Variants in FADS6 observed in about 807,000 individuals in gnomAD.
FADS6 encodes fatty acid desaturase domain family, member 6.
Under a neutral mutation model 31.7 loss-of-function variants are expected in FADS6, and 28 were observed. The observed-to-expected ratio is 0.88, with a 90% CI of 0.66 to 1.21. FADS6 has a LOEUF of 1.21. Ranked by LOEUF, FADS6 falls within the 50% of genes most tolerant of loss-of-function variation. The probability of loss-of-function intolerance (pLI) is 0.00; values close to 1 mark genes in which losing one functional copy is unlikely to be tolerated. For missense variants in FADS6, 494 were observed against 504.2 expected (o/e 0.98, Z 0.19); for synonymous variants, 191 against 213.1 (o/e 0.90, Z 0.90).
chr17:74,888,424 A>G (rs1268266455), intron 2 of FADS6, among the ~76,000 whole-genome samples: 1 of 152,222 alleles, frequency 6.6e-6, no homozygotes, highest in Non-Finnish European at 1.5e-5. Flanking sequence ...CTTAGGCAAC[A>G]GCTCTCGAGG....
downstream of FADS6, among the ~76,000 whole-genome samples, chr17:74,876,561 C>A (rs1253402464): frequency 1.3e-5 from 2 of 152,100 alleles, no homozygotes; most frequent in Non-Finnish European, 2.9e-5. Context: ...CTTTGGGAGG[C>A]CAAGGTGGGT....
intron 2 of FADS6, among the ~76,000 whole-genome samples, chr17:74,891,915 A>G (rs1020557553): frequency 1.3e-5 from 2 of 152,194 alleles, no homozygotes; most frequent in Non-Finnish European, 2.9e-5. Flanking sequence ...AGGAGGAGGG[A>G]GCAAGTTCAG....
chr17:74,875,835 A>G (rs76726356), downstream of FADS6, among the ~76,000 whole-genome samples: 7 of 152,360 alleles, frequency 4.6e-5, no homozygotes, highest in East Asian at 1.3e-3. Flanking sequence ...GCCTGGATCC[A>G]AAACTCCACT....
At chr17:74,880,230 C>T (rs1325127070) in intron 4 of FADS6, among the ~76,000 whole-genome samples, 2 of 152,102 alleles carry the variant, frequency 1.3e-5, no homozygotes, top group Non-Finnish European at 2.9e-5. Context: ...TGAGGAATTC[C>T]GTCTCCAGTT....
intron 3 of FADS6, among the ~76,000 whole-genome samples, chr17:74,881,907 T>G (rs690209): frequency 6.6e-6 from 1 of 151,948 alleles, no homozygotes. Context: ...GCTGATAACA[T>G]GAAGTATTAT....
At chr17:74,884,337 T>C (rs1432716366) in intron 2 of FADS6, among the ~76,000 whole-genome samples, 1 of 152,150 alleles carries the variant, frequency 6.6e-6, no homozygotes, top group East Asian at 1.9e-4. Context: ...CAAATGAAAA[T>C]ACAGGATGCC....
rs200150403 is a variant in FADS6 at position 74,878,356 on chromosome 17, G to C, written c.1082C>G (p.Pro361Arg). 323 of 1,613,832 alleles carry C rather than the reference G, an allele frequency of 2.0e-4. 1 individual carries two copies. In the African/African-American group the frequency reaches 3.7e-3, roughly 19 times the overall value. ...TTACAGCCCCACAAGCTCAGTGATG[G>C]GTGGGGCCTGCACCATGAATTCCTC... ...RYEEFMVQAP[P>R]ITELVGL The change falls in exon 6 of 6, where the codon CCC becomes CGC. Residue 361 changes from proline (P) to arginine (R), a missense_variant. Around this residue, in one of 2 missense-constraint regions of FADS6, gnomAD observed 454 missense variants for 438.5 expected, o/e 1.04. Transcript: ENST00000612771.
chr17:74,885,398 C>G (rs1348398945), intron 2 of FADS6, among the ~76,000 whole-genome samples: 2 of 152,010 alleles, frequency 1.3e-5, no homozygotes, highest in Non-Finnish European at 2.9e-5. Context: ...TGTATTTTAC[C>G]TAGAAAACCT....
chr17:74,886,033 A>T (rs1281390146), intron 2 of FADS6, among the ~76,000 whole-genome samples: 1 of 152,044 alleles, frequency 6.6e-6, no homozygotes, highest in Non-Finnish European at 1.5e-5. Context: ...AGATCAGGAG[A>T]TCGAGACCAT....
chr17:74,880,202 C>A (rs147147719), intron 4 of FADS6, among the ~76,000 whole-genome samples: 59 of 152,230 alleles, frequency 3.9e-4, no homozygotes, highest in African/African-American at 1.2e-3. Context: ...GAGCTGAATG[C>A]TGAGCCCTGG....
chr17:74,885,534 G>A (rs769156221), intron 2 of FADS6, among the ~76,000 whole-genome samples: 15 of 152,012 alleles, frequency 9.9e-5, no homozygotes, highest in African/African-American at 2.7e-4. Flanking sequence ...GATCCAGCCC[G>A]GAAGCCCTCC....
At chr17:74,876,046 T>C (rs138339668), downstream of FADS6, among the ~76,000 whole-genome samples, 927 of 152,254 alleles carry the variant, frequency 6.1e-3, 6 homozygotes, top group Middle Eastern at 0.041. Context: ...TCTGTAGCTA[T>C]GGAAAAGGGT....
rs1358984560 is a variant in FADS6 at position 74,877,905 on chromosome 17, T to TG, written c.*425dup. 1.0e-6 allele frequency: 1 copy of TG among 991,342 alleles called. No individual in the cohort carries two copies. Among genetic ancestry groups the TG allele is most frequent in the African/African-American group, 1.7e-5 (1 of 57,358 alleles). 61.4% of individuals were successfully genotyped at this position (991,342 alleles called of 1,614,324 possible). ...CCAAGGCCGTGTGGGGCTCTCCCAA[T>TG]GCCAGGGAGGTCCCAGCCGAGGGAG... On this transcript the variant is annotated 3_prime_UTR_variant, in exon 6 of 6. Transcript: ENST00000612771.
chr17:74,893,084 G>T (rs1041042611), intron 1 of FADS6, among the ~76,000 whole-genome samples: 1 of 136,744 alleles, frequency 7.3e-6, no homozygotes, highest in Non-Finnish European at 1.5e-5. Context: ...CCACTCCCCC[G>T]CTCCTCTCAA....
intron 2 of FADS6, among the ~76,000 whole-genome samples, chr17:74,885,019 A>T (rs549974973): frequency 3.3e-5 from 5 of 152,192 alleles, no homozygotes; most frequent in Admixed American, 3.3e-4. Flanking sequence ...AAATGACCAG[A>T]TCTTTTGAGA....
rs751782680 is a variant in FADS6, at chr17:74,893,514, T to C, written c.82A>G (p.Thr28Ala). 2.6e-6 allele frequency: 4 copies of C among 1,559,966 alleles called. No homozygotes were observed. In the Admixed American group the frequency reaches 5.4e-5, roughly 21 times the overall value. The change falls in exon 1 of 6, where the codon ACG becomes GCG. Residue 28 changes from threonine to alanine, a missense_variant. Physicochemically the swap from Thr to Ala is moderately conservative, Grantham distance 58. Transcript: ENST00000612771. ...CTCCGCGCCGGTTCCATGGGCTCCGTAGGTTCCATGGGCTCCGTAGGTTCC... is the reference window on the plus strand; with the variant it reads ...CTCCGCGCCGGTTCCATGGGCTCCGCAGGTTCCATGGGCTCCGTAGGTTCC... ...PMEPTEPMEP[T>A]EPMEPARSAH...
intron 4 of FADS6, among the ~76,000 whole-genome samples, chr17:74,880,382 T>C (rs996282811): frequency 1.1e-4 from 17 of 151,592 alleles, no homozygotes; most frequent in African/African-American, 3.9e-4. Flanking sequence ...TTAGCTGGAG[T>C]CTCACTGTGT....
intron 2 of FADS6, among the ~76,000 whole-genome samples, chr17:74,889,784 T>C (rs951533697): frequency 7.3e-6 from 1 of 136,732 alleles, no homozygotes; most frequent in Admixed American, 8.3e-5. Context: ...GGCGGGAGAA[T>C]CACTTGAACC....
downstream of FADS6, among the ~76,000 whole-genome samples, chr17:74,877,034 T>C (rs2038512847): frequency 6.6e-6 from 1 of 151,996 alleles, no homozygotes; most frequent in Non-Finnish European, 1.5e-5. Flanking sequence ...GTAGTTCCCT[T>C]ATATTCCCAC....
Sources: gnomAD v4.1 joint callset for allele counts (sites outside exome capture counted in the v4.1 genomes callset) on GRCh38, gnomAD v4.1.1 for gene constraint, gnomAD v4.1.1 regional missense constraint, MANE v1.5 for transcripts, NCBI Gene and HGNC (gene_info 2026-07-23, HGNC 2026-07-21) for gene names.